Variants in MTMR6 observed in about 807,000 individuals in gnomAD.
MTMR6 encodes the protein phosphatidylinositol-3,5-bisphosphate 3-phosphatase MTMR6.
In MTMR6, 47 loss-of-function variants were observed where a neutral mutation model predicts 80.1. The observed-to-expected ratio is 0.59, with a 90% CI of 0.46 to 0.75. The LOEUF (loss-of-function observed/expected upper bound fraction) is 0.75. MTMR6 is among the 30% of genes least tolerant of loss of function. MTMR6 has a pLI of 0.00. For synonymous variants in MTMR6, 254 were observed against 253.0 expected (o/e 1.00, Z -0.04); for missense variants, 629 against 730.9 (o/e 0.86, Z 1.61).
At chr13:25,268,349 T>C (rs926320536) in intron 2 of MTMR6, among the ~76,000 whole-genome samples, 9 of 152,318 alleles carry the variant, frequency 5.9e-5, no homozygotes, top group Admixed American at 2.6e-4. Flanking sequence ...GTAGTGAACA[T>C]TGAAAAGCAG....
chr13:25,276,482 T>A (rs1957730819), intron 1 of MTMR6, among the ~76,000 whole-genome samples: 1 of 152,236 alleles, frequency 6.6e-6, no homozygotes, highest in Admixed American at 6.5e-5. Context: ...ATTTTAAATT[T>A]GTGGATTTTT....
At chr13:25,275,581 G>A (rs1231970577) in intron 1 of MTMR6, among the ~76,000 whole-genome samples, 2 of 151,382 alleles carry the variant, frequency 1.3e-5, no homozygotes, top group South Asian at 2.1e-4. Context: ...TTTCATTACC[G>A]CCGGGTGTGG....
Position 25,287,260 on chromosome 13 carries a change from TC to T in MTMR6, c.-14del. 1 of 1,590,704 alleles carries T rather than the reference TC, an allele frequency of 6.3e-7. No individual in the cohort carries two copies. Among genetic ancestry groups the T allele is most frequent in the Non-Finnish European group, 8.5e-7 (1 of 1,171,410 alleles). ...GGATATGCTCCATCGCAAGGAGACG[TC>T]AGCCGGCAGCCGGTCTCACAGGCGT... is the stretch of plus-strand genomic sequence containing the variant. On this transcript the variant is annotated 5_prime_UTR_variant, in exon 1 of 14. Coordinates refer to ENST00000381801, the MANE Select transcript of MTMR6 (RefSeq NM_004685.5).
At chr13:25,284,603 C>T (rs1390681988) in intron 1 of MTMR6, among the ~76,000 whole-genome samples, 1 of 152,166 alleles carries the variant, frequency 6.6e-6, no homozygotes, top group Non-Finnish European at 1.5e-5. Context: ...AATGACTAAA[C>T]TACATAGAGG....
chr13:25,251,517 G>A lies in MTMR6; in HGVS notation c.1605+132C>T. ...CGAACTAACGTATTCAATCAAAGTA[G>A]GGATGACCTGATTTTGAAGAAACTG... is the stretch of plus-strand genomic sequence containing the variant. On this transcript the variant is annotated intron_variant, in intron 13 of 13. Transcript: ENST00000381801. This position sits in a 1 kb window ranked among gnomAD's most constrained non-coding sequence, Gnocchi z 4.1. 1 of 754,218 alleles carries A rather than the reference G, an allele frequency of 1.3e-6. No individual in the cohort carries two copies. Among genetic ancestry groups the A allele is most frequent in the Non-Finnish European group, 2.1e-6 (1 of 475,056 alleles). The allele number at this position is 754,218 out of a possible 1,614,324, so 46.7% of individuals were successfully genotyped here. A position where few individuals can be genotyped will look rare whatever the true frequency, so the allele number is the denominator to read the frequency against.
At chr13:25,254,890 G>GA (rs201746236) in intron 9 of MTMR6, among the ~76,000 whole-genome samples, 33 of 149,252 alleles carry the variant, frequency 2.2e-4, no homozygotes, top group East Asian at 7.8e-4. Context: ...CTTTTTTTAA[G>GA]AAAAAAAAAC....
At chr13:25,281,310 C>G (rs969304972) in intron 1 of MTMR6, among the ~76,000 whole-genome samples, 1 of 151,238 alleles carries the variant, frequency 6.6e-6, no homozygotes, top group Non-Finnish European at 1.5e-5. Flanking sequence ...GCACTCCAGC[C>G]TAGGTGACAG....
chr13:25,254,515 A>C, intron 9 of MTMR6, 81 bp from the exon 10 acceptor site: 1 of 967,806 alleles, frequency 1.0e-6, no homozygotes, highest in South Asian at 1.5e-5. Context: ...ATTAGTTTAA[A>C]AACAGTATTT....
At chr13:25,273,243 G>A (rs866968096) in intron 2 of MTMR6, among the ~76,000 whole-genome samples, 2 of 151,948 alleles carry the variant, frequency 1.3e-5, no homozygotes, top group Admixed American at 1.3e-4. Context: ...ACTTAGTAAG[G>A]TTATATATGC....
chr13:25,280,319 T>G (rs1957818125), intron 1 of MTMR6, among the ~76,000 whole-genome samples: 1 of 152,258 alleles, frequency 6.6e-6, no homozygotes, highest in South Asian at 2.1e-4. Context: ...AATCTCCATA[T>G]GAATGTGACA....
At position 25,257,298 on chromosome 13, in the gene MTMR6, A is replaced by G; in HGVS notation, c.993T>C (p.Ser331=). Residue 331 remains serine, a synonymous_variant, in exon 9 of 14, where the codon AGT becomes AGC. Transcript: ENST00000381801. ...AACCATCGGAACAATGCACCAACACACTTGCATTTTCAACTGTTATTGCCT... is the reference window on the plus strand; with the variant it reads ...AACCATCGGAACAATGCACCAACACGCTTGCATTTTCAACTGTTATTGCCT... ...LAKAITVENA[S]VLVHCSDGWD... is the part of the protein sequence containing the mutation. The G allele has an allele frequency of 6.2e-7, 1 of 1,613,808 alleles. No homozygotes were observed. The highest frequency in any genetic ancestry group is 8.5e-7 in the Non-Finnish European group (1 of 1,179,818).
intron 1 of MTMR6, among the ~76,000 whole-genome samples, chr13:25,281,566 C>T (rs1473139656): frequency 1.3e-5 from 2 of 152,166 alleles, no homozygotes; most frequent in South Asian, 2.1e-4. Context: ...GGACCAATGG[C>T]CTTCTTCAGA....
At chr13:25,282,886 G>A (rs1471199942) in intron 1 of MTMR6, among the ~76,000 whole-genome samples, 1 of 151,958 alleles carries the variant, frequency 6.6e-6, no homozygotes, top group Non-Finnish European at 1.5e-5. Flanking sequence ...GATTACAGGT[G>A]TGAACCACCA....
intron 10 of MTMR6, 46 bp from the exon 11 acceptor site, chr13:25,254,010 TC>T: frequency 6.3e-7 from 1 of 1,574,832 alleles, no homozygotes; most frequent in Non-Finnish European, 8.7e-7. Context: ...CTCTGAAAGG[TC>T]CATTGTTCAG....
At chr13:25,257,513 A>T (rs974183247) in intron 8 of MTMR6, among the ~76,000 whole-genome samples, 192 bp from the exon 9 acceptor site, 7 of 152,188 alleles carry the variant, frequency 4.6e-5, no homozygotes, top group Non-Finnish European at 4.4e-5. Flanking sequence ...CAAAAAAAAA[A>T]CAAAGAAAAA....
intron 1 of MTMR6, among the ~76,000 whole-genome samples, chr13:25,281,420 G>A (rs75459904): frequency 0.024 from 3,598 of 149,510 alleles, 156 homozygotes; most frequent in African/African-American, 0.085. Flanking sequence ...GGAAAAGGAA[G>A]GAAAGGAAGA....
In MTMR6 at chr13:25,253,983, T is replaced by G. The variant is rs1019285732; in HGVS notation, c.1146-19A>C. The G allele has an allele frequency of 6.2e-7, 1 of 1,612,476 alleles. No homozygotes were observed. The highest frequency in any genetic ancestry group is 1.3e-5 in the African/African-American group (1 of 75,000). ...GCCACACCTAACCCCACAGAAAGTA[T>G]AAGCTTTTAAAAACACCTCTGAAAG... On this transcript the variant is annotated intron_variant, in intron 10 of 13. Coordinates refer to ENST00000381801, the MANE Select transcript of MTMR6 (RefSeq NM_004685.5).
intron 1 of MTMR6, among the ~76,000 whole-genome samples, chr13:25,276,099 C>G (rs1957720598): frequency 6.6e-6 from 1 of 152,114 alleles, no homozygotes; most frequent in African/African-American, 2.4e-5. Flanking sequence ...CTGTTTACTC[C>G]TCTTCATTGT....
intron 6 of MTMR6, among the ~76,000 whole-genome samples, chr13:25,260,421 G>A (rs569501920): frequency 6.6e-6 from 1 of 152,268 alleles, no homozygotes; most frequent in African/African-American, 2.4e-5. Flanking sequence ...ACCCGCCGTG[G>A]CCTCCCAAAG....
Sources: allele counts gnomAD v4.1 joint callset (sites outside exome capture counted in the v4.1 genomes callset), GRCh38; gene constraint gnomAD v4.1.1; non-coding constraint Gnocchi (gnomAD v3.1); transcripts MANE v1.5; gene names NCBI Gene and HGNC (gene_info 2026-07-23, HGNC 2026-07-21).